ZRANB3: variants seen among roughly 807,000 people sequenced by gnomAD.
The protein encoded by ZRANB3 is zinc finger RANBP2-type containing 3.
ZRANB3 carries 125 observed loss-of-function variants against 133.8 expected under a neutral mutation model. That is an observed-to-expected ratio of 0.93 (90% CI 0.81 to 1.08). ZRANB3 has a LOEUF of 1.08. Ranked by LOEUF, ZRANB3 falls within the 50% of genes least tolerant of loss-of-function variation. The pLI is 0.00. For missense variants in ZRANB3, 1,229 were observed against 1,275.5 expected, an observed-to-expected ratio of 0.96 and a Z score of 0.56; for synonymous variants, 387 against 432.7, an observed-to-expected ratio of 0.89 and a Z score of 1.31.
intron 3 of ZRANB3, among the ~76,000 whole-genome samples, chr2:135,383,836 T>A (rs1471276513): frequency 6.6e-6 from 1 of 151,832 alleles, no homozygotes; most frequent in Non-Finnish European, 1.5e-5. Context: ...TGGGACACAT[T>A]TAAAGCAGTG....
At chr2:135,279,601 C>T (rs1243777773) in intron 8 of ZRANB3, among the ~76,000 whole-genome samples, 1 of 152,086 alleles carries the variant, frequency 6.6e-6, no homozygotes, top group African/African-American at 2.4e-5. Flanking sequence ...AATTGCTAAA[C>T]CTCTAGTCTC....
chr2:135,431,517 C>G (rs991371965), intron 2 of ZRANB3, among the ~76,000 whole-genome samples: 1 of 151,948 alleles, frequency 6.6e-6, no homozygotes, highest in Non-Finnish European at 1.5e-5. Flanking sequence ...TTGAAAGACA[C>G]TTTAAAGACA....
chr2:135,343,977 A>G (rs1684810080), intron 6 of ZRANB3, among the ~76,000 whole-genome samples: 1 of 139,666 alleles, frequency 7.2e-6, no homozygotes, highest in African/African-American at 3.4e-5. Flanking sequence ...CTAATAATAT[A>G]AAAATGCACA....
At chr2:135,274,574 A>T (rs1680689072) in intron 9 of ZRANB3, among the ~76,000 whole-genome samples, 1 of 151,928 alleles carries the variant, frequency 6.6e-6, no homozygotes, top group Non-Finnish European at 1.5e-5. Context: ...TCATGGCAGC[A>T]TATCTTTTTT....
intron 6 of ZRANB3, among the ~76,000 whole-genome samples, chr2:135,329,459 T>C (rs1406344035): frequency 2.0e-5 from 3 of 152,246 alleles, no homozygotes; most frequent in South Asian, 2.1e-4. Context: ...TTGGTTACTG[T>C]AGCCTTACAG....
chr2:135,375,353 G>A (rs1686374000), intron 3 of ZRANB3, among the ~76,000 whole-genome samples: 1 of 152,120 alleles, frequency 6.6e-6, no homozygotes, highest in African/African-American at 2.4e-5. Flanking sequence ...GGGAGTTCGA[G>A]ACCAGCCTGA....
At chr2:135,295,208 G>T (rs1156695618) in intron 8 of ZRANB3, among the ~76,000 whole-genome samples, 1 of 152,156 alleles carries the variant, frequency 6.6e-6, no homozygotes, top group African/African-American at 2.4e-5. Context: ...TTGTGTGGGA[G>T]TCTAAGTCTC....
At chr2:135,462,021 T>C (rs1329926961) in intron 2 of ZRANB3, among the ~76,000 whole-genome samples, 1 of 152,160 alleles carries the variant, frequency 6.6e-6, no homozygotes, top group Non-Finnish European at 1.5e-5. Context: ...GGACTAGTTC[T>C]AAAGAATAGC....
At chr2:135,485,198 CAT>C (rs1412725648) in intron 2 of ZRANB3, among the ~76,000 whole-genome samples, 1 of 150,490 alleles carries the variant, frequency 6.6e-6, no homozygotes, top group Non-Finnish European at 1.5e-5. Flanking sequence ...CATAACATAA[CAT>C]AACATAACAT....
intron 6 of ZRANB3, 43 bp from the exon 7 acceptor site, chr2:135,315,573 G>C: frequency 1.5e-6 from 2 of 1,321,964 alleles, no homozygotes; most frequent in Non-Finnish European, 2.0e-6. Context: ...TTGAATGCTG[G>C]AGTTAAGAAA....
chr2:135,295,276 A>G (rs1254311392), intron 8 of ZRANB3, among the ~76,000 whole-genome samples: 3 of 152,178 alleles, frequency 2.0e-5, no homozygotes, highest in African/African-American at 7.2e-5. Context: ...TTGGATGCAT[A>G]TATATTTAGG....
At chr2:135,446,206 C>CAA (rs200864291) in intron 2 of ZRANB3, among the ~76,000 whole-genome samples, 171 of 98,882 alleles carry the variant, frequency 1.7e-3, no homozygotes, top group African/African-American at 4.9e-3. Flanking sequence ...AACTCAATCT[C>CAA]AAAAAAAAAA....
intron 1 of ZRANB3, among the ~76,000 whole-genome samples, chr2:135,522,346 C>G (rs1340364134): frequency 6.6e-6 from 1 of 152,186 alleles, no homozygotes; most frequent in African/African-American, 2.4e-5. Context: ...AGGCTACGAG[C>G]AAGCCTCCGA....
intron 2 of ZRANB3, among the ~76,000 whole-genome samples, chr2:135,403,778 A>T (rs1687862395): frequency 6.6e-6 from 1 of 152,170 alleles, no homozygotes; most frequent in Non-Finnish European, 1.5e-5. Flanking sequence ...ATCTGGCAGC[A>T]ACATTTGCTG....
intron 2 of ZRANB3, among the ~76,000 whole-genome samples, chr2:135,459,995 T>C (rs1690692744): frequency 6.6e-6 from 1 of 152,158 alleles, no homozygotes; most frequent in Admixed American, 6.5e-5. Flanking sequence ...ATCAGTAAGA[T>C]TTCCCATTAT....
At position 135,268,985 on chromosome 2, in the gene ZRANB3, T is replaced by C; in HGVS notation, c.1363A>G (p.Met455Val). ...ACCTTGCGATTCAACATTCCCCACA[T>C]AAGGGTGTCTAGGGTTCCATTTGCA... ...LIANGTLDTL[M>V]WGMLNRKAQV... The change falls in exon 11 of 21, where the codon ATG becomes GTG. Residue 455 changes from methionine (M) to valine (V), a missense_variant. Met to Val is a conservative substitution (Grantham distance 21). Coordinates refer to ENST00000264159, the MANE Select transcript of ZRANB3 (RefSeq NM_032143.4). 6.2e-7 allele frequency: 1 copy of C among 1,606,816 alleles called. No individual in the cohort carries two copies. The highest frequency in any genetic ancestry group is 8.5e-7 in the Non-Finnish European group (1 of 1,177,682).
chr2:135,346,658 TAAG>T (rs751860322), intron 5 of ZRANB3, among the ~76,000 whole-genome samples: 2 of 152,110 alleles, frequency 1.3e-5, no homozygotes, highest in East Asian at 1.9e-4. Context: ...TGTTGCCCAG[TAAG>T]AAGATTATCC....
chr2:135,417,600 C>G (rs1688646594), intron 2 of ZRANB3, among the ~76,000 whole-genome samples: 1 of 152,204 alleles, frequency 6.6e-6, no homozygotes, highest in Admixed American at 6.5e-5. Flanking sequence ...ACCCAGCCAT[C>G]CCATTACTGG....
chr2:135,289,493 A>G (rs914662177), intron 8 of ZRANB3, among the ~76,000 whole-genome samples: 1 of 152,116 alleles, frequency 6.6e-6, no homozygotes, highest in Non-Finnish European at 1.5e-5. Context: ...TGAACTTGTG[A>G]TCTACCCCCC....
Sources: allele counts gnomAD v4.1 joint callset (sites outside exome capture counted in the v4.1 genomes callset), GRCh38; gene constraint gnomAD v4.1.1; transcripts MANE v1.5; gene names NCBI Gene and HGNC (gene_info 2026-07-23, HGNC 2026-07-21).